CSMD1: variants seen among roughly 807,000 people sequenced by gnomAD.
CSMD1 encodes the protein CUB and sushi domain-containing protein 1.
Under a neutral mutation model 417.5 loss-of-function variants are expected in CSMD1, and 213 were observed. The observed-to-expected ratio is 0.51, with a 90% CI of 0.46 to 0.57. The LOEUF is 0.57. Among genes scored for constraint, CSMD1 ranks in the 20% least tolerant of loss-of-function variants. The pLI, the probability that CSMD1 is intolerant of heterozygous loss-of-function variation, is 0.00. For missense variants in CSMD1, 6,923 were observed against 4,529.7 expected, an observed-to-expected ratio of 1.53 and a Z score of -15.17; for synonymous variants, 2,862 against 1,736.8, an observed-to-expected ratio of 1.65 and a Z score of -16.11.
intron 1 of CSMD1, among the ~76,000 whole-genome samples, chr8:4,917,967 AGAGT>A (rs1806183444): frequency 1.3e-5 from 2 of 152,232 alleles, no homozygotes; most frequent in South Asian, 4.1e-4. Flanking sequence ...TCTATTTAGT[AGAGT>A]GAGTATTGTT....
At chr8:3,437,964 C>T (rs564541180) in intron 12 of CSMD1, among the ~76,000 whole-genome samples, 1 of 152,190 alleles carries the variant, frequency 6.6e-6, no homozygotes, top group African/African-American at 2.4e-5. Flanking sequence ...TCATCTCGAA[C>T]TGCTGACCTC....
chr8:4,600,959 T>TG (rs1266441112), intron 2 of CSMD1, among the ~76,000 whole-genome samples: 1 of 150,924 alleles, frequency 6.6e-6, no homozygotes, highest in Non-Finnish European at 1.5e-5. Flanking sequence ...TAATTAGATT[T>TG]TTTTTTTTTT....
intron 7 of CSMD1, among the ~76,000 whole-genome samples, chr8:3,655,322 T>C (rs1798046366): frequency 1.3e-5 from 2 of 152,224 alleles, no homozygotes; most frequent in South Asian, 2.1e-4. Context: ...TTAAAAATAA[T>C]TCCCACATTG....
intron 2 of CSMD1, among the ~76,000 whole-genome samples, chr8:4,452,205 A>G (rs1391439857): frequency 6.6e-6 from 1 of 152,012 alleles, no homozygotes; most frequent in Non-Finnish European, 1.5e-5. Flanking sequence ...TCTGCTTTTT[A>G]TCAGTTTGAC....
chr8:3,294,246 T>G (rs1803795814), intron 25 of CSMD1, among the ~76,000 whole-genome samples: 1 of 152,062 alleles, frequency 6.6e-6, no homozygotes, highest in South Asian at 2.1e-4. Context: ...GGGGGGTGCC[T>G]CCCAGTTAGG....
At chr8:4,701,504 G>A (rs563232136) in intron 1 of CSMD1, among the ~76,000 whole-genome samples, 80 of 152,058 alleles carry the variant, frequency 5.3e-4, no homozygotes, top group African/African-American at 1.5e-3. Flanking sequence ...CACCCAGGCC[G>A]CCTCCCAGAG....
chr8:4,191,947 G>A (rs966968093), intron 3 of CSMD1, among the ~76,000 whole-genome samples: 8 of 152,154 alleles, frequency 5.3e-5, no homozygotes, highest in Admixed American at 2.0e-4. Flanking sequence ...TAAACCAACT[G>A]CACCCACAGG....
At chr8:4,251,982 C>G (rs531249893) in intron 3 of CSMD1, among the ~76,000 whole-genome samples, 49 of 151,932 alleles carry the variant, frequency 3.2e-4, no homozygotes, top group African/African-American at 1.1e-3. Flanking sequence ...AAGGAGAAAA[C>G]AGAGCTAATT....
chr8:4,219,829 T>C (rs186226210), intron 3 of CSMD1, among the ~76,000 whole-genome samples: 25 of 152,336 alleles, frequency 1.6e-4, no homozygotes, highest in Non-Finnish European at 2.8e-4. Context: ...TAATTATCTG[T>C]AAGTTACTTT....
chr8:3,795,012 A>ATATC lies in CSMD1; in HGVS notation c.819-40974_819-40971dup, dbSNP rs1277906250. 1.4e-3 allele frequency among the ~76,000 whole-genome samples: 199 copies of ATATC among 144,586 alleles called. 33 individuals are homozygous for ATATC. The highest frequency in any genetic ancestry group is 2.6e-3 in the Non-Finnish European group (168 of 64,772). The allele number at this position is 144,586 out of a possible 152,430, so 94.9% of individuals were successfully genotyped here. A position where few individuals can be genotyped will look rare whatever the true frequency, so the allele number is the denominator to read the frequency against. On this transcript the variant is annotated intron_variant, in intron 5 of 69. Coordinates refer to ENST00000635120, the MANE Select transcript of CSMD1 (RefSeq NM_033225.6). The stretch of plus-strand genomic sequence containing the variant: ...ATCTATCATGTATAGCTATAAATAC[A>ATATC]TATCTATCATATATAGCTATAGATA...
chr8:4,062,367 G>T (rs1003433710), intron 3 of CSMD1, among the ~76,000 whole-genome samples: 1 of 151,952 alleles, frequency 6.6e-6, no homozygotes, highest in African/African-American at 2.4e-5. Flanking sequence ...TTTGACAATG[G>T]CTTTTTCTCA....
In CSMD1 at chr8:3,391,879, C is replaced by T. The variant is rs193155349; in HGVS notation, c.2594-4197G>A. On this transcript the variant is annotated intron_variant, in intron 17 of 69. Coordinates refer to ENST00000635120, the MANE Select transcript of CSMD1 (RefSeq NM_033225.6). ...AGCAAGGAGTGTTTATAATGTGAAACATGTATGATGAAACAGAAGAGATGA... is the reference window on the plus strand; with the variant it reads ...AGCAAGGAGTGTTTATAATGTGAAATATGTATGATGAAACAGAAGAGATGA... Among the ~76,000 whole-genome samples the T allele has an allele frequency of 1.4e-3, 214 of 152,130 alleles. 1 individual carries two copies. Among genetic ancestry groups the T allele is most frequent in the Middle Eastern group, 6.8e-3 (2 of 294 alleles).
intron 52 of CSMD1, among the ~76,000 whole-genome samples, chr8:3,002,413 A>AAG (rs1309447089): frequency 1.3e-5 from 2 of 152,182 alleles, no homozygotes; most frequent in Non-Finnish European, 2.9e-5. Context: ...AGCCCAGCAC[A>AAG]AGAGATCCCA....
intron 12 of CSMD1, among the ~76,000 whole-genome samples, chr8:3,438,005 T>C (rs1208523966): frequency 6.6e-6 from 1 of 152,168 alleles, no homozygotes. Context: ...CCTCCCAAAG[T>C]ACTGATACCT....
chr8:4,897,142 G>A (rs1399792502), intron 1 of CSMD1, among the ~76,000 whole-genome samples: 1 of 152,010 alleles, frequency 6.6e-6, no homozygotes, highest in Admixed American at 6.5e-5. Flanking sequence ...AGCAAGGCAG[G>A]TGCACGTTAT....
chr8:4,881,989 G>A (rs1048768452), intron 1 of CSMD1, among the ~76,000 whole-genome samples: 9 of 151,812 alleles, frequency 5.9e-5, no homozygotes, highest in African/African-American at 1.9e-4. Flanking sequence ...AGCTATACCT[G>A]GAAAGAAATC....
intron 3 of CSMD1, among the ~76,000 whole-genome samples, chr8:4,170,557 G>A (rs117701511): frequency 0.012 from 1,826 of 151,912 alleles, 23 homozygotes; most frequent in Non-Finnish European, 0.018. Context: ...TATGGAACAT[G>A]GACAATGGAT....
chr8:3,734,079 T>C (rs532245360), intron 6 of CSMD1, among the ~76,000 whole-genome samples: 2 of 152,280 alleles, frequency 1.3e-5, no homozygotes, highest in East Asian at 3.9e-4. Context: ...AATTTTTAAG[T>C]GAACTTCTTA....
At chr8:4,254,998 C>T (rs1048771636) in intron 3 of CSMD1, among the ~76,000 whole-genome samples, 9 of 152,316 alleles carry the variant, frequency 5.9e-5, no homozygotes, top group Admixed American at 2.0e-4. Context: ...TCCAGAAGAT[C>T]ACTCAGAGTT....
Sources: gnomAD v4.1 joint callset for allele counts (sites outside exome capture counted in the v4.1 genomes callset) on GRCh38, gnomAD v4.1.1 for gene constraint, MANE v1.5 for transcripts, NCBI Gene and HGNC (gene_info 2026-07-23, HGNC 2026-07-21) for gene names.